The following CLUAP1 variants were observed in gnomAD, a reference collection of about 807,000 sequenced individuals.
CLUAP1 encodes clusterin-associated protein 1.
Under a neutral mutation model 55.0 loss-of-function variants are expected in CLUAP1, and 50 were observed. The ratio of observed to expected loss-of-function variants is 0.91; its 90% CI spans 0.72 to 1.15. The LOEUF is 1.15. Ranked by LOEUF, CLUAP1 falls within the 50% of genes most tolerant of loss-of-function variation. CLUAP1 has a pLI of 0.00. For missense variants in CLUAP1, 530 were observed against 507.6 expected (o/e 1.04, Z -0.42); for synonymous variants, 195 against 175.4 (o/e 1.11, Z -0.88).
intron 1 of CLUAP1, among the ~76,000 whole-genome samples, chr16:3,501,675 G>A (rs1344459353): frequency 2.6e-5 from 4 of 152,088 alleles, no homozygotes; most frequent in Non-Finnish European, 5.9e-5. Flanking sequence ...CCAGCTACTC[G>A]GGAGTCTGAA....
rs1402182889 is a variant in CLUAP1 at position 3,537,677 on chromosome 16, A to G, written c.*1406A>G. 1.3e-5 allele frequency: 2 copies of G among 151,576 alleles called. No individual in the cohort carries two copies. The highest frequency in any genetic ancestry group is 2.4e-5 in the African/African-American group (1 of 41,154). 9.4% of individuals were successfully genotyped at this position (151,576 alleles called of 1,614,324 possible). A position where few individuals can be genotyped will look rare whatever the true frequency, so the allele number is the denominator to read the frequency against. On this transcript the variant is annotated 3_prime_UTR_variant, in exon 12 of 12. Coordinates refer to ENST00000576634, the MANE Select transcript of CLUAP1 (RefSeq NM_015041.3). ...GAGTGAGACCCTGTCTTTAAAAAAA[A>G]GAAAAAGAAAAGCACGCTGCTTGTA...
intron 1 of CLUAP1, among the ~76,000 whole-genome samples, chr16:3,501,301 C>T (rs1407800679): frequency 1.3e-5 from 2 of 152,250 alleles, no homozygotes; most frequent in African/African-American, 4.8e-5. Flanking sequence ...ATGGAAAGTT[C>T]TCTATCTGCC....
Position 3,533,307 on chromosome 16 carries a change from GC to G in CLUAP1, c.1092+470del, listed in dbSNP as rs2038166240. ...TGTGGTGACAGCGGGATCACTGAAG[GC>G]CCCTGTGCTAAAGTGGAGGCGCAGG... On this transcript the variant is annotated intron_variant, in intron 11 of 11. Transcript: ENST00000576634. 27 of 652,502 alleles carry G rather than the reference GC, an allele frequency of 4.1e-5. No homozygotes were observed. The East Asian group carries it at 7.4e-4, about 18-fold the overall frequency. The allele number at this position is 652,502 out of a possible 1,614,324, so 40.4% of individuals were successfully genotyped here. A position where few individuals can be genotyped will look rare whatever the true frequency, so the allele number is the denominator to read the frequency against.
At chr16:3,497,684 C>A (rs1044365234), upstream of CLUAP1, among the ~76,000 whole-genome samples, 2 of 152,172 alleles carry the variant, frequency 1.3e-5, no homozygotes, top group African/African-American at 4.8e-5. Context: ...AGTACAGTGA[C>A]ATGATCACGG....
chr16:3,511,947 G>A (rs1002993646), intron 4 of CLUAP1, among the ~76,000 whole-genome samples: 2 of 151,986 alleles, frequency 1.3e-5, no homozygotes, highest in African/African-American at 4.8e-5. Context: ...AGCACTTTGG[G>A]AGGCCGAGGT....
chr16:3,508,574 G>T, intron 4 of CLUAP1, 106 bp downstream of exon 4: 1 of 1,047,750 alleles, frequency 9.5e-7, no homozygotes, highest in Non-Finnish European at 1.3e-6. Flanking sequence ...CTCCTCAGCT[G>T]AGGGCAGTTT....
At chr16:3,529,439 T>TTA (rs1567439177) in intron 9 of CLUAP1, among the ~76,000 whole-genome samples, 33 of 68,708 alleles carry the variant, frequency 4.8e-4, no homozygotes, top group Non-Finnish European at 6.7e-4. Flanking sequence ...ATAATATATA[T>TTA]TATATTATAT....
chr16:3,504,245 T>TA (rs1189258544), intron 1 of CLUAP1, among the ~76,000 whole-genome samples: 2 of 151,422 alleles, frequency 1.3e-5, no homozygotes, highest in Admixed American at 6.6e-5. Context: ...TCACTAAAAT[T>TA]AAAAAAAAAG....
intron 4 of CLUAP1, 24 bp from the exon 5 acceptor site, chr16:3,512,359 C>T: frequency 6.3e-7 from 1 of 1,580,028 alleles, no homozygotes; most frequent in South Asian, 1.1e-5. Context: ...GCTGAGGTTT[C>T]TGTTTTTGTT....
intron 10 of CLUAP1, among the ~76,000 whole-genome samples, chr16:3,532,132 C>T (rs1160417968): frequency 3.3e-5 from 5 of 152,154 alleles, no homozygotes. Context: ...AGCCACCACT[C>T]CTGGCCTGCC....
intron 9 of CLUAP1, among the ~76,000 whole-genome samples, chr16:3,529,251 T>A (rs1324388572): frequency 2.7e-5 from 4 of 149,836 alleles, no homozygotes; most frequent in Non-Finnish European, 5.9e-5. Context: ...CAAATTCAAG[T>A]TTTGCTTTTT....
intron 9 of CLUAP1, among the ~76,000 whole-genome samples, chr16:3,528,183 C>T (rs1182665083): frequency 1.3e-5 from 2 of 152,176 alleles, no homozygotes; most frequent in African/African-American, 4.8e-5. Context: ...GAATTGATGG[C>T]CTTGTTGCAC....
In CLUAP1 at chr16:3,515,526, A is replaced by G. The variant is rs2037713475; in HGVS notation, c.514A>G (p.Ile172Val). The change falls in exon 6 of 12, where the codon ATT becomes GTT. Residue 172 changes from isoleucine to valine, a missense_variant. By Grantham distance (29) the Ile-to-Val change is conservative. Transcript: ENST00000576634. The stretch of plus-strand genomic sequence containing the variant: ...TTCCTAGGAAATGAGAACAGAAGCC[A>G]TTGCCAGACCTCTGGAAATAAACGA... ...VELREMRTEA[I>V]ARPLEINETE... is the part of the protein sequence containing the mutation. The G allele has an allele frequency of 6.3e-7, 1 of 1,597,948 alleles. No homozygotes were observed. The highest frequency in any genetic ancestry group is 8.5e-7 in the Non-Finnish European group (1 of 1,175,198).
rs751771364 is a variant in CLUAP1, at chr16:3,536,852, A to C, written c.*581A>C. On this transcript the variant is annotated 3_prime_UTR_variant, in exon 12 of 12. Coordinates refer to ENST00000576634, the MANE Select transcript of CLUAP1 (RefSeq NM_015041.3). ...AACTTTTCTGAAAGAAGGTTAGCTA[A>C]AGTTAAATGAAAACTTGGTTTCTTT... The C allele has an allele frequency of 2.0e-5, 3 of 152,266 alleles. No individual in the cohort carries two copies. The highest frequency in any genetic ancestry group is 4.4e-5 in the Non-Finnish European group (3 of 68,068). 9.4% of individuals were successfully genotyped at this position (152,266 alleles called of 1,614,324 possible). A position where few individuals can be genotyped will look rare whatever the true frequency, so the allele number is the denominator to read the frequency against.
chr16:3,516,199 C>T (rs1423374458), intron 6 of CLUAP1, among the ~76,000 whole-genome samples: 1 of 152,174 alleles, frequency 6.6e-6, no homozygotes, highest in East Asian at 1.9e-4. Context: ...CAGGGCATAT[C>T]AAGCCTCGTC....
chr16:3,536,202 C>G lies in CLUAP1; in HGVS notation c.1173C>G (p.Leu391=). ...DDDLEDESIS[L]SPTKPNRRVR... is the part of the protein sequence containing the mutation. ...ATTTGGAAGACGAGAGCATTTCTCT[C>G]TCACCAACCAAGCCCAATCGAAGGG... The change falls in exon 12 of 12, where the codon CTC becomes CTG. Residue 391 remains leucine, a synonymous_variant. Transcript: ENST00000576634. 1.2e-6 allele frequency: 2 copies of G among 1,614,180 alleles called. No homozygotes were observed. The highest frequency in any genetic ancestry group is 1.7e-6 in the Non-Finnish European group (2 of 1,180,042).
intron 5 of CLUAP1, among the ~76,000 whole-genome samples, chr16:3,512,935 C>T (rs1279525453): frequency 6.6e-6 from 1 of 152,156 alleles, no homozygotes; most frequent in Non-Finnish European, 1.5e-5. Context: ...CTGCCTTGGC[C>T]TCCCAAAGTG....
At chr16:3,507,663 T>G (rs1462743831) in intron 3 of CLUAP1, among the ~76,000 whole-genome samples, 2 of 150,920 alleles carry the variant, frequency 1.3e-5, no homozygotes, top group African/African-American at 4.9e-5. Flanking sequence ...ACCACTATTT[T>G]AAATCTCTTC....
upstream of CLUAP1, chr16:3,496,202 T>A (rs959284159): frequency 4.5e-5 from 25 of 559,638 alleles, no homozygotes; most frequent in Admixed American, 5.4e-4. Flanking sequence ...AGCGCCATCA[T>A]GGGAGCTGAC....
Sources: gnomAD v4.1 joint callset for allele counts (sites outside exome capture counted in the v4.1 genomes callset) on GRCh38, gnomAD v4.1.1 for gene constraint, MANE v1.5 for transcripts, NCBI Gene and HGNC (gene_info 2026-07-23, HGNC 2026-07-21) for gene names.